Variants in DAAM1 observed in about 807,000 individuals in gnomAD.
The protein encoded by DAAM1 is disheveled-associated activator of morphogenesis 1.
In DAAM1, 52 loss-of-function variants were observed where a neutral mutation model predicts 130.0. The observed-to-expected ratio is 0.40, with a 90% CI of 0.32 to 0.50. DAAM1 has a LOEUF of 0.50. Ranked by LOEUF, DAAM1 falls within the 20% of genes least tolerant of loss-of-function variation. The probability of loss-of-function intolerance (pLI) is 0.61; values close to 1 mark genes in which losing one functional copy is unlikely to be tolerated. For synonymous variants in DAAM1, 452 were observed against 444.5 expected, an observed-to-expected ratio of 1.02 and a Z score of -0.21; for missense variants, 1,134 against 1,303.8, an observed-to-expected ratio of 0.87 and a Z score of 2.01.
chr14:59,216,332 G>T (rs1460321755), intron 1 of DAAM1, among the ~76,000 whole-genome samples: 1 of 152,292 alleles, frequency 6.6e-6, no homozygotes, highest in Non-Finnish European at 1.5e-5. Context: ...GAGTGTGTGT[G>T]TGTGATATTT....
intron 3 of DAAM1, among the ~76,000 whole-genome samples, chr14:59,306,430 T>C (rs1884384096): frequency 6.6e-6 from 1 of 152,216 alleles, no homozygotes; most frequent in African/African-American, 2.4e-5. Flanking sequence ...ATTGTAGATA[T>C]GAGCTTAGTG....
intron 1 of DAAM1, among the ~76,000 whole-genome samples, chr14:59,197,549 A>G (rs1413411168): frequency 6.6e-6 from 1 of 152,248 alleles, no homozygotes; most frequent in Non-Finnish European, 1.5e-5. Flanking sequence ...ACTCTGACCC[A>G]TTTAGGGCTT....
intron 3 of DAAM1, among the ~76,000 whole-genome samples, chr14:59,312,515 A>T (rs1884635719): frequency 6.6e-6 from 1 of 152,330 alleles, no homozygotes; most frequent in Non-Finnish European, 1.5e-5. Flanking sequence ...CTTCGAGGTG[A>T]GTAGAGATGA....
chr14:59,325,147 C>G (rs1885159728), intron 8 of DAAM1, among the ~76,000 whole-genome samples: 1 of 152,204 alleles, frequency 6.6e-6, no homozygotes, highest in East Asian at 1.9e-4. Context: ...CCTGTTCTAA[C>G]CACTGTGTGT....
chr14:59,325,932 G>T, intron 9 of DAAM1, 28 bp from the exon 10 acceptor site: 1 of 1,604,716 alleles, frequency 6.2e-7, no homozygotes, highest in Non-Finnish European at 8.5e-7. Flanking sequence ...TTAGATGTTT[G>T]ATTTGATTTC....
At chr14:59,364,688 T>G (rs1886844789) in intron 23 of DAAM1, among the ~76,000 whole-genome samples, 1 of 152,360 alleles carries the variant, frequency 6.6e-6, no homozygotes, top group East Asian at 1.9e-4. Context: ...GTCACCTGTT[T>G]GGTTGTAGAT....
intron 2 of DAAM1, among the ~76,000 whole-genome samples, chr14:59,279,995 C>T (rs1193683402): frequency 6.6e-6 from 1 of 152,052 alleles, no homozygotes; most frequent in Non-Finnish European, 1.5e-5. Context: ...ATATTTAGCA[C>T]CAGTTGTCAT....
chr14:59,198,652 CAT>C (rs776103097), intron 1 of DAAM1, among the ~76,000 whole-genome samples: 5 of 152,284 alleles, frequency 3.3e-5, no homozygotes, highest in Admixed American at 2.0e-4. Flanking sequence ...GTGGGGCAAA[CAT>C]GTGGGTGACT....
intron 4 of DAAM1, 86 bp downstream of exon 4, chr14:59,315,437 G>A: frequency 1.6e-6 from 2 of 1,262,606 alleles, no homozygotes; most frequent in African/African-American, 3.0e-5. Context: ...ATTCGATTGA[G>A]TATGACCTAC....
intron 4 of DAAM1, among the ~76,000 whole-genome samples, chr14:59,315,929 C>A (rs1317013824): frequency 6.6e-6 from 1 of 152,148 alleles, no homozygotes; most frequent in African/African-American, 2.4e-5. Context: ...ATTGTTGGTT[C>A]AGTAATTGCT....
intron 3 of DAAM1, among the ~76,000 whole-genome samples, chr14:59,295,283 A>C (rs745665970): frequency 3.9e-5 from 6 of 152,132 alleles, no homozygotes; most frequent in Non-Finnish European, 7.3e-5. Context: ...TCTGCTGCTG[A>C]GTGTGTTTGA....
chr14:59,233,212 A>G (rs1233009187), intron 1 of DAAM1, among the ~76,000 whole-genome samples: 2 of 152,214 alleles, frequency 1.3e-5, no homozygotes, highest in Non-Finnish European at 2.9e-5. Flanking sequence ...AGGAATCACC[A>G]TGCTTTATTC....
At chr14:59,281,387 G>A (rs1367475120) in intron 2 of DAAM1, among the ~76,000 whole-genome samples, 3 of 152,134 alleles carry the variant, frequency 2.0e-5, no homozygotes, top group Non-Finnish European at 4.4e-5. Context: ...TTAAAGGCAG[G>A]ACGCTTTGTG....
At chr14:59,189,140 G>A (rs918597452) in intron 1 of DAAM1, among the ~76,000 whole-genome samples, 1 of 152,164 alleles carries the variant, frequency 6.6e-6, no homozygotes, top group African/African-American at 2.4e-5. Context: ...AGGCTCCCCG[G>A]GGCTGGGGCC....
intron 1 of DAAM1, among the ~76,000 whole-genome samples, chr14:59,196,876 A>G (rs1208906754): frequency 1.3e-5 from 2 of 152,238 alleles, no homozygotes; most frequent in Non-Finnish European, 2.9e-5. Flanking sequence ...TGAAATTGTG[A>G]ATATGGAAAA....
intron 1 of DAAM1, among the ~76,000 whole-genome samples, chr14:59,212,144 G>A (rs2139412496): frequency 6.6e-6 from 1 of 152,274 alleles, no homozygotes; most frequent in East Asian, 1.9e-4. Context: ...TTTTTACCAT[G>A]ACTGGTAGCT....
In DAAM1 at chr14:59,191,017, G is replaced by C. The variant is rs906503016; in HGVS notation, c.-38+2249G>C. Among the ~76,000 whole-genome samples, 6 of 152,288 alleles carry C rather than the reference G, an allele frequency of 3.9e-5. No homozygotes were observed. The South Asian group carries it at 1.2e-3, about 32-fold the overall frequency. ...TTTTGCCTTTTTATAGATTCCTAAT[G>C]AATGCAGTTATTTGTAATTGCATTA... On this transcript the variant is annotated intron_variant, in intron 1 of 24. Transcript: ENST00000360909.
At chr14:59,336,809 T>C (rs1337736313) in intron 15 of DAAM1, among the ~76,000 whole-genome samples, 1 of 152,254 alleles carries the variant, frequency 6.6e-6, no homozygotes, top group Non-Finnish European at 1.5e-5. Context: ...ATTGTATTAC[T>C]GTAGCTTCCA....
At chr14:59,269,887 A>G (rs1882634470) in intron 2 of DAAM1, among the ~76,000 whole-genome samples, 1 of 152,236 alleles carries the variant, frequency 6.6e-6, no homozygotes, top group Admixed American at 6.5e-5. Context: ...ACGCATAAAA[A>G]AACAGGAAGC....
Sources: gnomAD v4.1 joint callset for allele counts (sites outside exome capture counted in the v4.1 genomes callset) on GRCh38, gnomAD v4.1.1 for gene constraint, MANE v1.5 for transcripts, NCBI Gene and HGNC (gene_info 2026-07-23, HGNC 2026-07-21) for gene names.